The following GPC5 variants were observed in gnomAD, a reference collection of about 807,000 sequenced individuals.
The protein encoded by GPC5 is glypican 5, also known as glypican-5.
GPC5 carries 47 observed loss-of-function variants against 53.9 expected under a neutral mutation model. The ratio of observed to expected loss-of-function variants is 0.87; its 90% CI spans 0.69 to 1.11. The LOEUF is 1.11. Among genes scored for constraint, GPC5 ranks in the 50% most tolerant of loss-of-function variants. The pLI, the probability that GPC5 is intolerant of heterozygous loss-of-function variation, is 0.00. For synonymous variants in GPC5, 286 were observed against 263.3 expected (o/e 1.09, Z -0.84); for missense variants, 748 against 713.1 (o/e 1.05, Z -0.56).
At chr13:92,318,540 A>G (rs1234184588) in intron 7 of GPC5, among the ~76,000 whole-genome samples, 1 of 152,188 alleles carries the variant, frequency 6.6e-6, no homozygotes, top group Non-Finnish European at 1.5e-5. Flanking sequence ...ATTGTTAAGT[A>G]TACCTAATTT....
At chr13:92,476,163 T>C (rs1464490704) in intron 7 of GPC5, among the ~76,000 whole-genome samples, 1 of 151,836 alleles carries the variant, frequency 6.6e-6, no homozygotes, top group Non-Finnish European at 1.5e-5. Context: ...GGGCTAACAT[T>C]CAGAATCTAC....
intron 6 of GPC5, among the ~76,000 whole-genome samples, chr13:92,024,931 A>C (rs1162579488): frequency 6.6e-6 from 1 of 152,170 alleles, no homozygotes; most frequent in Non-Finnish European, 1.5e-5. Context: ...TTAGGATTTT[A>C]TTAAATTTGT....
intron 2 of GPC5, among the ~76,000 whole-genome samples, chr13:91,602,814 A>G (rs1333909801): frequency 6.6e-6 from 1 of 152,238 alleles, no homozygotes; most frequent in Non-Finnish European, 1.5e-5. Context: ...TGTGATTATT[A>G]AAAGAAATAA....
At chr13:91,527,740 A>T (rs993405188) in intron 2 of GPC5, among the ~76,000 whole-genome samples, 2 of 152,194 alleles carry the variant, frequency 1.3e-5, no homozygotes, top group East Asian at 3.8e-4. Flanking sequence ...AGGCATTTCC[A>T]TACATCCTCT....
chr13:92,047,703 C>T lies in GPC5; in HGVS notation c.1402-97127C>T, dbSNP rs575605980. ...TTGTTCAGCAAACATTAAGAAATGA[C>T]GTATTTCCTGTAATCCCAGAACTTT... On this transcript the variant is annotated intron_variant, in intron 6 of 7. Transcript: ENST00000377067. 5.6e-4 allele frequency among the ~76,000 whole-genome samples: 83 copies of T among 147,986 alleles called. 1 individual carries two copies. In the Middle Eastern group the frequency reaches 0.018, roughly 32 times the overall value.
At chr13:92,032,003 GTATATAA>G (rs1017688022) in intron 6 of GPC5, among the ~76,000 whole-genome samples, 6 of 121,936 alleles carry the variant, frequency 4.9e-5, no homozygotes, top group South Asian at 2.4e-4. Flanking sequence ...ACAAATAATT[GTATATAA>G]TATATAATAT....
chr13:91,748,592 A>G (rs1017929698), intron 4 of GPC5, among the ~76,000 whole-genome samples: 2 of 152,206 alleles, frequency 1.3e-5, no homozygotes, highest in Non-Finnish European at 2.9e-5. Flanking sequence ...AGACATGAGG[A>G]AGACTTGGCT....
Position 92,250,253 on chromosome 13 carries a change from TG to T in GPC5, c.1561+105265del, listed in dbSNP as rs1253112172. Among the ~76,000 whole-genome samples the T allele has an allele frequency of 5.3e-5, 8 of 152,230 alleles. No individual in the cohort carries two copies. The East Asian group carries it at 1.5e-3, about 29-fold the overall frequency. On this transcript the variant is annotated intron_variant, in intron 7 of 7. Transcript: ENST00000377067. ...ATGGCTTTTTATGTTTATGCCTGAG[TG>T]TTTAGGTTCATACGTATGGTTTTAG...
At chr13:92,776,574 G>A (rs1250259832) in intron 7 of GPC5, among the ~76,000 whole-genome samples, 4 of 152,242 alleles carry the variant, frequency 2.6e-5, no homozygotes, top group South Asian at 4.1e-4. Flanking sequence ...TCATTGTTCT[G>A]TCTACTCAAT....
At chr13:92,048,271 CAT>C (rs2040999602) in intron 6 of GPC5, among the ~76,000 whole-genome samples, 1 of 118,016 alleles carries the variant, frequency 8.5e-6, no homozygotes, top group African/African-American at 3.0e-5. Flanking sequence ...AACGTTGTAA[CAT>C]ATATTATATG....
At chr13:91,568,759 T>C (rs892392851) in intron 2 of GPC5, among the ~76,000 whole-genome samples, 1 of 123,144 alleles carries the variant, frequency 8.1e-6, no homozygotes, top group African/African-American at 2.8e-5. Flanking sequence ...TCTTTCTTTC[T>C]TTTTTTTTTT....
At chr13:91,786,485 G>A (rs2037881246) in intron 5 of GPC5, among the ~76,000 whole-genome samples, 1 of 151,972 alleles carries the variant, frequency 6.6e-6, no homozygotes, top group Non-Finnish European at 1.5e-5. Context: ...TTTTTAAAAA[G>A]GGGTTGTTTT....
At chr13:92,141,138 T>G (rs9523516) in intron 6 of GPC5, among the ~76,000 whole-genome samples, 43,432 of 152,110 alleles carry the variant, frequency 0.29, 6,253 homozygotes, top group East Asian at 0.41. Flanking sequence ...CCATTGTTTT[T>G]GTTGATTACA....
chr13:91,667,451 G>A (rs146185079), intron 2 of GPC5, among the ~76,000 whole-genome samples: 2 of 152,270 alleles, frequency 1.3e-5, no homozygotes, highest in East Asian at 1.9e-4. Flanking sequence ...TGATACAGTT[G>A]AGTGAAGTCA....
At chr13:92,075,581 G>A (rs921497002) in intron 6 of GPC5, among the ~76,000 whole-genome samples, 8 of 152,058 alleles carry the variant, frequency 5.3e-5, no homozygotes, top group African/African-American at 1.7e-4. Context: ...TTTCAGTTAA[G>A]TATTGCAAAT....
chr13:92,003,191 ATCCCAGCTAC>A (rs1386226730), intron 6 of GPC5, among the ~76,000 whole-genome samples: 3 of 151,840 alleles, frequency 2.0e-5, no homozygotes, highest in Admixed American at 6.6e-5. Context: ...CATACCTGTA[ATCCCAGCTAC>A]TCCCAGCTAC....
rs1159334477 is a variant in GPC5, at chr13:92,164,733, A to T, written c.1561+19744A>T. On this transcript the variant is annotated intron_variant, in intron 7 of 7. Coordinates refer to ENST00000377067, the MANE Select transcript of GPC5 (RefSeq NM_004466.6). ...CCCAGTGGGGATTTTTTGTGTGGGG[A>T]CTCTGACCTCACATTTCCCTTCCAC... Among the ~76,000 whole-genome samples, 4 of 151,266 alleles carry T rather than the reference A, an allele frequency of 2.6e-5. No individual in the cohort carries two copies. The East Asian group carries it at 5.9e-4, about 22-fold the overall frequency.
At chr13:92,510,661 A>G (rs1880531538) in intron 7 of GPC5, among the ~76,000 whole-genome samples, 1 of 152,174 alleles carries the variant, frequency 6.6e-6, no homozygotes, top group Non-Finnish European at 1.5e-5. Flanking sequence ...AACTGGTATT[A>G]TGAACCCACC....
rs187510144 is a variant in GPC5, at chr13:91,802,559, G to A, written c.1280+46139G>A. Among the ~76,000 whole-genome samples, 1,051 of 152,188 alleles carry A rather than the reference G, an allele frequency of 6.9e-3. 25 individuals are homozygous for A. The highest frequency in any genetic ancestry group is 8.2e-3 in the Admixed American group (125 of 15,272). On this transcript the variant is annotated intron_variant, in intron 5 of 7. Coordinates refer to ENST00000377067, the MANE Select transcript of GPC5 (RefSeq NM_004466.6). ...TGGCCAGCTTTTATTCCCTTATTTG[G>A]CCCCACCCATGTCCTGCTGATTGGT...
Sources: allele counts gnomAD v4.1 joint callset (sites outside exome capture counted in the v4.1 genomes callset), GRCh38; gene constraint gnomAD v4.1.1; transcripts MANE v1.5; gene names NCBI Gene and HGNC (gene_info 2026-07-23, HGNC 2026-07-21).